Variants in NEGR1 observed in about 807,000 individuals in gnomAD.
NEGR1 encodes neuronal growth regulator 1, also known as IgLON family member 4.
Under a neutral mutation model 40.9 loss-of-function variants are expected in NEGR1, and 10 were observed. The ratio of observed to expected loss-of-function variants is 0.24; its 90% CI spans 0.15 to 0.42. The LOEUF is 0.42. Ranked by LOEUF, NEGR1 falls within the 10% of genes least tolerant of loss-of-function variation. The pLI is 1.00. For missense variants in NEGR1, 352 were observed against 438.9 expected (o/e 0.80, Z 1.77); for synonymous variants, 185 against 166.8 (o/e 1.11, Z -0.84).
chr1:71,910,474 T>C (rs1661395227), intron 2 of NEGR1, among the ~76,000 whole-genome samples: 1 of 152,226 alleles, frequency 6.6e-6, no homozygotes, highest in African/African-American at 2.4e-5. Flanking sequence ...TTTGATATTG[T>C]TCACTAAAGG....
At chr1:72,264,276 T>C (rs1030028313) in intron 1 of NEGR1, among the ~76,000 whole-genome samples, 7 of 151,294 alleles carry the variant, frequency 4.6e-5, no homozygotes, top group Non-Finnish European at 1.0e-4. Context: ...TGTTTATTCA[T>C]TTGTAAAACT....
chr1:72,240,248 A>T (rs928561875), intron 1 of NEGR1, among the ~76,000 whole-genome samples: 1 of 151,894 alleles, frequency 6.6e-6, no homozygotes, highest in African/African-American at 2.4e-5. Context: ...GATGAAGTCC[A>T]TAACAGCAGA....
intron 3 of NEGR1, among the ~76,000 whole-genome samples, chr1:71,727,558 C>A (rs1003607152): frequency 6.6e-6 from 1 of 152,096 alleles, no homozygotes; most frequent in Non-Finnish European, 1.5e-5. Context: ...TTGGAAGAGG[C>A]ACAATCACCA....
intron 2 of NEGR1, among the ~76,000 whole-genome samples, chr1:71,828,515 CT>C (rs1385232694): frequency 1.3e-5 from 2 of 151,754 alleles, no homozygotes; most frequent in African/African-American, 4.8e-5. Context: ...GTTCTCTTTC[CT>C]TTCTTATTTT....
chr1:72,182,489 T>C (rs1277858716), intron 1 of NEGR1, among the ~76,000 whole-genome samples: 1 of 151,990 alleles, frequency 6.6e-6, no homozygotes, highest in Non-Finnish European at 1.5e-5. Flanking sequence ...CAAGACTCTG[T>C]CTCAAAATAA....
chr1:71,951,399 G>A (rs1038198789), intron 1 of NEGR1, among the ~76,000 whole-genome samples: 20 of 151,722 alleles, frequency 1.3e-4, no homozygotes, highest in East Asian at 9.7e-4. Flanking sequence ...AATTAAACTC[G>A]AGTTTTGTAT....
intron 3 of NEGR1, among the ~76,000 whole-genome samples, chr1:71,702,118 T>A (rs1282656798): frequency 6.6e-6 from 1 of 152,088 alleles, no homozygotes; most frequent in Non-Finnish European, 1.5e-5. Context: ...ATATTTGTAA[T>A]AATCCAGCAG....
chr1:71,908,442 G>C, intron 2 of NEGR1, among the ~76,000 whole-genome samples: 1 of 152,038 alleles, frequency 6.6e-6, no homozygotes, highest in Non-Finnish European at 1.5e-5. Flanking sequence ...CAGAAGAGTA[G>C]GAAAGGCAGG....
intron 1 of NEGR1, among the ~76,000 whole-genome samples, chr1:72,124,494 T>G (rs139083135): frequency 2.0e-5 from 3 of 151,958 alleles, no homozygotes; most frequent in Non-Finnish European, 4.4e-5. Context: ...TCGAGCGATA[T>G]GGCAAATAAG....
intron 1 of NEGR1, among the ~76,000 whole-genome samples, chr1:72,226,160 A>G (rs1654184831): frequency 6.6e-6 from 1 of 151,872 alleles, no homozygotes; most frequent in Admixed American, 6.6e-5. Context: ...AACATGTATT[A>G]CCTATATTGC....
At chr1:72,225,915 T>C (rs979159912) in intron 1 of NEGR1, among the ~76,000 whole-genome samples, 1 of 151,802 alleles carries the variant, frequency 6.6e-6, no homozygotes, top group Non-Finnish European at 1.5e-5. Context: ...AAGATAATGT[T>C]TTTGAAGACT....
intron 2 of NEGR1, among the ~76,000 whole-genome samples, chr1:71,879,479 C>T (rs546676853): frequency 6.6e-6 from 1 of 152,290 alleles, no homozygotes; most frequent in African/African-American, 2.4e-5. Flanking sequence ...GCAAATCAAC[C>T]ACATATTTTT....
intron 2 of NEGR1, among the ~76,000 whole-genome samples, chr1:71,860,981 A>G (rs1659929110): frequency 6.6e-6 from 1 of 152,054 alleles, no homozygotes; most frequent in Non-Finnish European, 1.5e-5. Context: ...TGAGATGACA[A>G]TTACTAGTTT....
intron 6 of NEGR1, among the ~76,000 whole-genome samples, chr1:71,452,805 CAAAA>C (rs1372182056): frequency 2.2e-4 from 5 of 22,738 alleles, no homozygotes; most frequent in African/African-American, 3.7e-4. Context: ...AACAAAGAAA[CAAAA>C]AAAAACCAAA....
chr1:71,597,810 G>A (rs998039709), intron 5 of NEGR1, among the ~76,000 whole-genome samples: 1 of 151,850 alleles, frequency 6.6e-6, no homozygotes, highest in African/African-American at 2.4e-5. Context: ...CTACTCGGAG[G>A]GCTGAGGCAG....
At chr1:71,791,543 A>C (rs924618877) in intron 2 of NEGR1, among the ~76,000 whole-genome samples, 3 of 152,120 alleles carry the variant, frequency 2.0e-5, no homozygotes, top group Non-Finnish European at 4.4e-5. Flanking sequence ...CCTATATATA[A>C]GATACATTTA....
intron 1 of NEGR1, among the ~76,000 whole-genome samples, chr1:71,957,742 T>A (rs925524198): frequency 1.1e-4 from 17 of 152,312 alleles, no homozygotes; most frequent in Non-Finnish European, 2.9e-5. Context: ...TTCTAGTGAT[T>A]ACATAATTTT....
At chr1:71,810,773 G>A (rs1489887636) in intron 2 of NEGR1, among the ~76,000 whole-genome samples, 1 of 152,008 alleles carries the variant, frequency 6.6e-6, no homozygotes, top group Non-Finnish European at 1.5e-5. Flanking sequence ...CTCCAGCCAT[G>A]GAAAATGTGC....
chr1:71,674,702 G>A (rs1488024566), intron 4 of NEGR1, among the ~76,000 whole-genome samples: 1 of 152,008 alleles, frequency 6.6e-6, no homozygotes, highest in Non-Finnish European at 1.5e-5. Context: ...GGACAAATGT[G>A]TAGACGAGAT....
Sources: allele counts gnomAD v4.1 joint callset (sites outside exome capture counted in the v4.1 genomes callset), GRCh38; gene constraint gnomAD v4.1.1; transcripts MANE v1.5; gene names NCBI Gene and HGNC (gene_info 2026-07-23, HGNC 2026-07-21).